PSG5: variants seen among roughly 807,000 people sequenced by gnomAD.
The protein encoded by PSG5 is pregnancy-specific beta-1-glycoprotein 5.
A neutral mutation model predicts 37.7 loss-of-function variants in PSG5; 53 were observed. The observed-to-expected ratio is 1.41, with a 90% confidence interval of 1.13 to 1.77. The LOEUF is 1.77. PSG5 is among the 40% of genes most tolerant of loss of function. The pLI, the probability that PSG5 is intolerant of heterozygous loss-of-function variation, is 0.00. For missense variants in PSG5, 547 were observed against 405.2 expected (o/e 1.35, Z -3.00); for synonymous variants, 221 against 155.4 (o/e 1.42, Z -3.14).
intron 2 of PSG5, among the ~76,000 whole-genome samples, chr19:43,181,304 A>G (rs948722552): frequency 2.0e-5 from 3 of 151,720 alleles, no homozygotes; most frequent in African/African-American, 7.3e-5. Flanking sequence ...TTAAATGTGA[A>G]GTTGAATGTG....
intron 2 of PSG5, chr19:43,180,679 C>T (rs978040154): frequency 6.6e-5 from 10 of 151,574 alleles, no homozygotes; most frequent in African/African-American, 2.4e-4. Context: ...CATCTAAGAT[C>T]AATTGCTGGT....
chr19:43,169,988 C>T lies in PSG5; in HGVS notation c.*40+67G>A, dbSNP rs751867566. On this transcript the variant is annotated intron_variant, in intron 5 of 5. Transcript: ENST00000342951. ...CAGTCCCAGATACAAGCAAATAAGT[C>T]TTTTCCCTCTCCCAAGCATGGCAGT... 196 of 1,025,842 alleles carry T rather than the reference C, an allele frequency of 1.9e-4. 4 individuals carry two copies. Among genetic ancestry groups the T allele is most frequent in the Non-Finnish European group, 2.7e-4 (184 of 676,922 alleles). The allele number at this position is 1,025,842 out of a possible 1,614,324, so 63.5% of individuals were successfully genotyped here.
At position 43,186,513 on chromosome 19, in the gene PSG5, C is replaced by T. The variant is rs1242125912; in HGVS notation, c.-108G>A. On this transcript the variant is annotated 5_prime_UTR_variant, in exon 1 of 6. Coordinates refer to ENST00000342951, the MANE Select transcript of PSG5 (RefSeq NM_002781.4). ...TCCTTCCTCCTTCTGTGCTGAGCCT[C>T]TCTCCAGGGCAGGAGCACTTCTCAG... The T allele has an allele frequency of 1.3e-6, 2 of 1,530,652 alleles. No individual in the cohort carries two copies. Among genetic ancestry groups the T allele is most frequent in the South Asian group, 1.2e-5 (1 of 80,846 alleles). The allele number at this position is 1,530,652 out of a possible 1,614,324, so 94.8% of individuals were successfully genotyped here.
At chr19:43,168,955 A>T (rs1394771507) in intron 5 of PSG5, among the ~76,000 whole-genome samples, 1 of 151,666 alleles carries the variant, frequency 6.6e-6, no homozygotes, top group Non-Finnish European at 1.5e-5. Context: ...ACCTATTACA[A>T]CAAGAGTTCT....
chr19:43,181,353 C>A (rs997310318), intron 2 of PSG5, among the ~76,000 whole-genome samples: 3 of 151,662 alleles, frequency 2.0e-5, no homozygotes, highest in African/African-American at 7.3e-5. Context: ...TTGAACTTTC[C>A]TTTTTCAGTT....
intron 2 of PSG5, among the ~76,000 whole-genome samples, chr19:43,180,841 C>A (rs1420365519): frequency 2.0e-5 from 3 of 151,216 alleles, no homozygotes; most frequent in Non-Finnish European, 4.4e-5. Context: ...CTGGTCAGTG[C>A]GTCAATTACA....
rs1434268982 is a variant in PSG5 at position 43,175,301 on chromosome 19, G to C, written c.878C>G (p.Thr293Arg). 6.2e-7 allele frequency: 1 copy of C among 1,612,758 alleles called. No individual in the cohort carries two copies. The highest frequency in any genetic ancestry group is 1.7e-5 in the Admixed American group (1 of 59,930). ...GQKLSIPQIT[T>R]KHRGLYTCSV... Reference sequence around the variant, plus strand: ...GCAAGTATAGAGCCCTCTATGCTTTGTAGTAATTTGGGGGATAGAGAGCTT... The same window carrying C: ...GCAAGTATAGAGCCCTCTATGCTTTCTAGTAATTTGGGGGATAGAGAGCTT... The change falls in exon 4 of 6, where the codon ACA (threonine) becomes AGA (arginine). Residue 293 changes from threonine (T) to arginine (R), a missense_variant. Coordinates refer to ENST00000342951, the MANE Select transcript of PSG5 (RefSeq NM_002781.4).
Position 43,177,189 on chromosome 19 carries a change from A to G in PSG5, c.431-1041T>C, listed in dbSNP as rs1307774271. On this transcript the variant is annotated intron_variant, in intron 2 of 5. Coordinates refer to ENST00000342951, the MANE Select transcript of PSG5 (RefSeq NM_002781.4). ...TGAGAAGAGACTGCTGTTTGCCAGG[A>G]GCTGGGAGTGGGGAGAATCAGAAGT... 2.0e-5 allele frequency among the ~76,000 whole-genome samples: 3 copies of G among 151,566 alleles called. 1 individual carries two copies. The highest frequency in any genetic ancestry group is 7.3e-5 in the African/African-American group (3 of 41,104).
chr19:43,176,311 G>T (rs1969010869), intron 2 of PSG5, among the ~76,000 whole-genome samples, 163 bp from the exon 3 acceptor site: 1 of 151,586 alleles, frequency 6.6e-6, no homozygotes, highest in South Asian at 2.1e-4. Flanking sequence ...TGATCTAAGG[G>T]CTCAAAGACT....
chr19:43,171,271 G>A (rs1968900288), intron 4 of PSG5: 1 of 151,662 alleles, frequency 6.6e-6, no homozygotes, highest in African/African-American at 2.4e-5. Flanking sequence ...GCTCCTCTGT[G>A]TGGCATCTTG....
chr19:43,185,296 A>T (rs1599757457), intron 1 of PSG5, 149 bp from the exon 2 acceptor site: 1 of 1,199,488 alleles, frequency 8.3e-7, no homozygotes. Flanking sequence ...GGTGCATGTT[A>T]GTTTGTGTGT....
At chr19:43,170,358 A>G (rs1968880028) in intron 4 of PSG5, 1 of 614,878 alleles carries the variant, frequency 1.6e-6, no homozygotes, top group South Asian at 2.0e-5. Flanking sequence ...TCAAATCTCT[A>G]CTGCACTCAG....
At chr19:43,173,405 A>G (rs1320375962) in intron 4 of PSG5, among the ~76,000 whole-genome samples, 1 of 151,738 alleles carries the variant, frequency 6.6e-6, no homozygotes, top group Non-Finnish European at 1.5e-5. Context: ...ATTATCAAGA[A>G]AGTAAAAAGG....
chr19:43,176,350 G>A (rs981908315), intron 2 of PSG5, among the ~76,000 whole-genome samples: 1 of 151,600 alleles, frequency 6.6e-6, no homozygotes, highest in African/African-American at 2.4e-5. Context: ...TTTTAGGGAA[G>A]CACAGACTTT....
chr19:43,182,418 G>A (rs1018690710), intron 2 of PSG5, among the ~76,000 whole-genome samples: 7 of 151,520 alleles, frequency 4.6e-5, no homozygotes, highest in African/African-American at 9.7e-5. Flanking sequence ...TCTGGCAACC[G>A]GCTGACCTCA....
rs748737044 is a variant in PSG5, at chr19:43,170,193, G to A, written c.965-55C>T. On this transcript the variant is annotated intron_variant, in intron 4 of 5. Transcript: ENST00000342951. Reference sequence around the variant, plus strand: ...TGAAGGTGATGTTATTTTACATGGGGGAGCCTCAGGAAGAGGCATGTAGCA... The same window carrying A: ...TGAAGGTGATGTTATTTTACATGGGAGAGCCTCAGGAAGAGGCATGTAGCA... 3 of 1,431,802 alleles carry A rather than the reference G, an allele frequency of 2.1e-6. No homozygotes were observed. In the African/African-American group the frequency reaches 4.3e-5, roughly 20 times the overall value. 88.7% of individuals were successfully genotyped at this position (1,431,802 alleles called of 1,614,324 possible).
In PSG5 at chr19:43,170,342, C is replaced by G. The variant is rs1968879598; in HGVS notation, c.965-204G>C. On this transcript the variant is annotated intron_variant, in intron 4 of 5. Coordinates refer to ENST00000342951, the MANE Select transcript of PSG5 (RefSeq NM_002781.4). ...CCATGTTTCTAGGATGGTGATCAGT[C>G]CTCTGTCAAATCTCTACTGCACTCA... The G allele has an allele frequency of 4.7e-6, 3 of 641,080 alleles. No individual in the cohort carries two copies. The Admixed American group carries it at 1.1e-4, about 23-fold the overall frequency. The allele number at this position is 641,080 out of a possible 1,614,324, so 39.7% of individuals were successfully genotyped here. A position where few individuals can be genotyped will look rare whatever the true frequency, so the allele number is the denominator to read the frequency against.
chr19:43,175,610 A>G lies in PSG5; in HGVS notation c.710-141T>C, dbSNP rs571424991. 1.1e-4 allele frequency: 164 copies of G among 1,437,658 alleles called. 5 individuals are homozygous for G. The highest frequency in any genetic ancestry group is 1.4e-4 in the Non-Finnish European group (153 of 1,067,932). 89.1% of individuals were successfully genotyped at this position (1,437,658 alleles called of 1,614,324 possible). On this transcript the variant is annotated intron_variant, in intron 3 of 5. Coordinates refer to ENST00000342951, the MANE Select transcript of PSG5 (RefSeq NM_002781.4). ...GAACCCCCACTATATTCACTGAGCC[A>G]AAGCCTGAGGTATTCACCTGTTTCT...
intron 2 of PSG5, chr19:43,183,527 G>A: frequency 1.9e-6 from 1 of 514,996 alleles, no homozygotes; most frequent in Non-Finnish European, 3.9e-6. Context: ...ACAGTGACAT[G>A]GGCACTTTGG....
Sources: allele counts gnomAD v4.1 joint callset (sites outside exome capture counted in the v4.1 genomes callset), GRCh38; gene constraint gnomAD v4.1.1; transcripts MANE v1.5; gene names NCBI Gene and HGNC (gene_info 2026-07-23, HGNC 2026-07-21).